The following NOMO1 variants were observed in gnomAD, a reference collection of about 807,000 sequenced individuals.
The protein encoded by NOMO1 is nodal modulator 3.
Under a neutral mutation model 133.8 loss-of-function variants are expected in NOMO1, and 40 were observed. That is an observed-to-expected ratio of 0.30 (90% CI 0.23 to 0.39). NOMO1 has a LOEUF of 0.39. Among genes scored for constraint, NOMO1 ranks in the 10% least tolerant of loss-of-function variants. NOMO1 has a pLI of 1.00. For synonymous variants in NOMO1, 236 were observed against 570.5 expected (o/e 0.41, Z 8.36); for missense variants, 462 against 1,419.9 (o/e 0.33, Z 10.84).
intron 1 of NOMO1, among the ~76,000 whole-genome samples, chr16:14,836,669 A>G (rs2606873): frequency 4.6e-5 from 7 of 151,402 alleles, no homozygotes; most frequent in East Asian, 3.9e-4. Context: ...ATTAAATAGT[A>G]ATACAAACTG....
At chr16:14,864,856 G>C in intron 13 of NOMO1, 130 bp downstream of exon 13, 1 of 1,370,048 alleles carries the variant, frequency 7.3e-7, no homozygotes, top group South Asian at 1.3e-5. Flanking sequence ...GAGGCTTCTT[G>C]GAGTCAAGTG....
chr16:14,853,608 A>G lies in NOMO1; in HGVS notation c.873+4A>G. 2 of 1,611,484 alleles carry G rather than the reference A, an allele frequency of 1.2e-6. No homozygotes were observed. Among genetic ancestry groups the G allele is most frequent in the East Asian group, 4.5e-5 (2 of 44,844 alleles). On this transcript the variant is annotated splice_donor_region_variant and intron_variant, in intron 8 of 30. Coordinates refer to ENST00000287667, the MANE Select transcript of NOMO1 (RefSeq NM_014287.4). ...GCCAAGTGGGGGCTACACTGTGGTG[A>G]GTAAAGCAGATTTCCGTTCTGTTTA... is the stretch of plus-strand genomic sequence containing the variant.
intron 27 of NOMO1, 36 bp from the exon 28 acceptor site, chr16:14,886,725 G>C (rs1345179712): frequency 6.2e-7 from 1 of 1,610,588 alleles, no homozygotes; most frequent in African/African-American, 1.3e-5. Context: ...TTGTGTTTCA[G>C]TTTCAAAGCA....
At chr16:14,884,708 T>A (rs906077088) in intron 27 of NOMO1, among the ~76,000 whole-genome samples, 1 of 151,928 alleles carries the variant, frequency 6.6e-6, no homozygotes, top group Non-Finnish European at 1.5e-5. Flanking sequence ...TGGTCCAGTT[T>A]CAGATAACTG....
chr16:14,866,134 T>C, intron 14 of NOMO1, among the ~76,000 whole-genome samples: 1 of 148,114 alleles, frequency 6.8e-6, no homozygotes, highest in Non-Finnish European at 1.5e-5. Flanking sequence ...CTTGGCTCAC[T>C]GCAACCTCTC....
chr16:14,866,312 G>T (rs62038471), intron 14 of NOMO1, among the ~76,000 whole-genome samples: 1 of 149,392 alleles, frequency 6.7e-6, no homozygotes, highest in African/African-American at 2.5e-5. Context: ...CAAGTGCGTC[G>T]GCCTCCCAGA....
chr16:14,871,919 T>C (rs1208761695), intron 17 of NOMO1, among the ~76,000 whole-genome samples: 1 of 151,574 alleles, frequency 6.6e-6, no homozygotes, highest in East Asian at 1.9e-4. Context: ...GGCTGTGTTT[T>C]TGAAGTGCCT....
rs374157371 is a variant in NOMO1 at position 14,853,902 on chromosome 16, G to A, written c.874-35G>A. On this transcript the variant is annotated intron_variant, in intron 8 of 30. Coordinates refer to ENST00000287667, the MANE Select transcript of NOMO1 (RefSeq NM_014287.4). ...TTAATATTGCTGATTGATCATGTTA[G>A]TGGTTCTTAGTGATTAACAGACTCT... 9.4e-5 allele frequency: 152 copies of A among 1,610,918 alleles called. 1 individual carries two copies. The highest frequency in any genetic ancestry group is 1.0e-5 in the Non-Finnish European group (12 of 1,179,736).
Position 14,879,996 on chromosome 16 carries a change from A to C in NOMO1, c.2758-19A>C. 1 of 1,611,608 alleles carries C rather than the reference A, an allele frequency of 6.2e-7. No homozygotes were observed. Among genetic ancestry groups the C allele is most frequent in the Non-Finnish European group, 8.5e-7 (1 of 1,179,808 alleles). ...TGCCTAGATGTGGCTGCTGAGGCTC[A>C]GTGTGATTATCTTGGTAGAGCCCTG... On this transcript the variant is annotated intron_variant, in intron 23 of 30. Coordinates refer to ENST00000287667, the MANE Select transcript of NOMO1 (RefSeq NM_014287.4).
At chr16:14,864,564 G>T (rs551037320) in intron 12 of NOMO1, 21 bp from the exon 13 acceptor site, 47 of 1,612,918 alleles carry the variant, frequency 2.9e-5, no homozygotes, top group Non-Finnish European at 3.9e-5. Flanking sequence ...AGCCTCTAAC[G>T]TTCCATCCAC....
At chr16:14,855,864 G>T (rs2151896225) in intron 9 of NOMO1, among the ~76,000 whole-genome samples, 1 of 152,046 alleles carries the variant, frequency 6.6e-6, no homozygotes, top group East Asian at 1.9e-4. Flanking sequence ...AATATTTGTT[G>T]AGTACATATG....
chr16:14,893,229 T>A lies in NOMO1; in HGVS notation c.3445-1769T>A, dbSNP rs1428200218. On this transcript the variant is annotated intron_variant, in intron 29 of 30. Transcript: ENST00000287667. Reference sequence around the variant, plus strand: ...ATTTTTTTCTGAGACAGAGTCTTGCTTTGTTGCCCCTGCTGGAGTGCAGTG... The same window carrying A: ...ATTTTTTTCTGAGACAGAGTCTTGCATTGTTGCCCCTGCTGGAGTGCAGTG... 2.6e-5 allele frequency among the ~76,000 whole-genome samples: 4 copies of A among 151,984 alleles called. No individual in the cohort carries two copies. The East Asian group carries it at 5.8e-4, about 22-fold the overall frequency.
At chr16:14,849,896 C>CTT (rs1171906105) in intron 6 of NOMO1, among the ~76,000 whole-genome samples, 1,463 of 87,742 alleles carry the variant, frequency 0.017, 11 homozygotes, top group Non-Finnish European at 0.026. Flanking sequence ...CAGATACAGT[C>CTT]TTTTTTTTTT....
intron 9 of NOMO1, among the ~76,000 whole-genome samples, chr16:14,856,875 G>C (rs901467442): frequency 2.0e-5 from 3 of 151,880 alleles, no homozygotes; most frequent in African/African-American, 4.8e-5. Flanking sequence ...GGAGGAAGAC[G>C]TGGTTCACCA....
chr16:14,854,317 G>A (rs1041041188), intron 9 of NOMO1, among the ~76,000 whole-genome samples: 1 of 131,492 alleles, frequency 7.6e-6, no homozygotes, highest in African/African-American at 2.9e-5. Flanking sequence ...AAAAATTCTT[G>A]TCCCTGTGGA....
In NOMO1 at chr16:14,853,489, C is replaced by T. The variant is rs974111017; in HGVS notation, c.758C>T (p.Ser253Leu). Residue 253 changes from serine (S) to leucine (L), a missense_variant, in exon 8 of 31, where the codon TCA (serine) becomes TTA (leucine). Physicochemically the swap from Ser to Leu is moderately radical, Grantham distance 145. Coordinates refer to ENST00000287667, the MANE Select transcript of NOMO1 (RefSeq NM_014287.4). The part of the protein sequence containing the change: ...TKEDVLGCNV[S>L]PVPGFQPQDE... ...TAGGATGTCCTGGGCTGCAATGTCT[C>T]ACCAGTGCCTGGGTTCCAGCCCCAA... is the stretch of plus-strand genomic sequence containing the variant. The T allele has an allele frequency of 2.5e-6, 4 of 1,589,962 alleles. No homozygotes were observed. The highest frequency in any genetic ancestry group is 3.4e-6 in the Non-Finnish European group (4 of 1,172,240).
intron 2 of NOMO1, among the ~76,000 whole-genome samples, chr16:14,838,733 AC>A (rs1230213391): frequency 6.6e-6 from 1 of 151,012 alleles, no homozygotes; most frequent in Non-Finnish European, 1.5e-5. Flanking sequence ...TTTTGTTGTG[AC>A]ATCTGTGGCT....
intron 27 of NOMO1, among the ~76,000 whole-genome samples, chr16:14,884,794 G>A (rs1338741390): frequency 6.6e-6 from 1 of 152,040 alleles, no homozygotes; most frequent in Non-Finnish European, 1.5e-5. Context: ...AATCTAACGT[G>A]GAAAGCCAAT....
At chr16:14,850,140 G>T (rs1248195611) in intron 6 of NOMO1, among the ~76,000 whole-genome samples, 1 of 148,238 alleles carries the variant, frequency 6.7e-6, no homozygotes, top group East Asian at 2.1e-4. Context: ...GGGCGATCTC[G>T]GCTCATTGCA....
Sources: gnomAD v4.1 joint callset for allele counts (sites outside exome capture counted in the v4.1 genomes callset) on GRCh38, gnomAD v4.1.1 for gene constraint, MANE v1.5 for transcripts, NCBI Gene and HGNC (gene_info 2026-07-23, HGNC 2026-07-21) for gene names.